Variants in CNTNAP2 observed in about 807,000 individuals in gnomAD.
CNTNAP2 encodes the protein contactin associated protein 2.
A neutral mutation model predicts 155.2 loss-of-function variants in CNTNAP2; 98 were observed. The observed-to-expected ratio is 0.63, with a 90% CI of 0.54 to 0.75. The LOEUF (loss-of-function observed/expected upper bound fraction) is 0.75, where lower values mean the gene tolerates loss of function less well. Ranked by LOEUF, CNTNAP2 falls within the 30% of genes least tolerant of loss-of-function variation. The pLI is 0.00. For missense variants in CNTNAP2, 1,727 were observed against 1,688.1 expected (o/e 1.02, Z -0.40); for synonymous variants, 651 against 631.2 (o/e 1.03, Z -0.47).
Position 146,766,640 on chromosome 7 carries a change from C to T in CNTNAP2, c.98-7631C>T, listed in dbSNP as rs117743613. 1.1e-3 allele frequency among the ~76,000 whole-genome samples: 162 copies of T among 152,286 alleles called. 3 individuals carry two copies. In the East Asian group the frequency reaches 0.025, roughly 24 times the overall value. ...CCTCCTCATCTATAAAATGGTAATACTACCCATCTCAATGGGTTACTGTGA... is the reference window on the plus strand; with the variant it reads ...CCTCCTCATCTATAAAATGGTAATATTACCCATCTCAATGGGTTACTGTGA... On this transcript the variant is annotated intron_variant, in intron 1 of 23. Coordinates refer to ENST00000361727, the MANE Select transcript of CNTNAP2 (RefSeq NM_014141.6).
chr7:148,133,438 G>C (rs1013195138), intron 16 of CNTNAP2, among the ~76,000 whole-genome samples: 8 of 151,992 alleles, frequency 5.3e-5, no homozygotes, highest in Non-Finnish European at 1.0e-4. Flanking sequence ...CTCCAGCCTG[G>C]GTGACAGAAT....
chr7:146,185,732 T>C (rs34438057), intron 1 of CNTNAP2, among the ~76,000 whole-genome samples: 19,438 of 151,504 alleles, frequency 0.13, 1,579 homozygotes, highest in Middle Eastern at 0.19. Flanking sequence ...AATTAAATAT[T>C]ATTTTCAGGG....
intron 9 of CNTNAP2, among the ~76,000 whole-genome samples, chr7:147,317,776 ATGTGTGTGTGTG>A (rs1179574989): frequency 7.4e-6 from 1 of 134,242 alleles, no homozygotes; most frequent in Non-Finnish European, 1.6e-5. Flanking sequence ...ATATATATAT[ATGTGTGTGTGTG>A]TGTGTGTGTG....
At chr7:146,439,452 G>A in intron 1 of CNTNAP2, among the ~76,000 whole-genome samples, 1 of 151,014 alleles carries the variant, frequency 6.6e-6, no homozygotes, top group Admixed American at 6.6e-5. Flanking sequence ...ACATTTTTTT[G>A]TTTGTCTTCT....
intron 8 of CNTNAP2, among the ~76,000 whole-genome samples, chr7:147,188,895 CT>C (rs1489999294): frequency 2.0e-5 from 3 of 152,094 alleles, no homozygotes; most frequent in African/African-American, 7.2e-5. Context: ...ATACACACTT[CT>C]TTTTTAGGGG....
rs745469629 is a variant in CNTNAP2 at position 146,752,134 on chromosome 7, C to T, written c.98-22137C>T. On this transcript the variant is annotated intron_variant, in intron 1 of 23. Coordinates refer to ENST00000361727, the MANE Select transcript of CNTNAP2 (RefSeq NM_014141.6). Reference sequence around the variant, plus strand: ...AGAATGATTTATCATCCTTTGGGTACGTACCCAGTAATGGGATTGCTGGGT... The same window carrying T: ...AGAATGATTTATCATCCTTTGGGTATGTACCCAGTAATGGGATTGCTGGGT... Among the ~76,000 whole-genome samples the T allele has an allele frequency of 6.6e-5, 10 of 152,182 alleles. No homozygotes were observed. In the South Asian group the frequency reaches 8.3e-4, roughly 13 times the overall value.
intron 13 of CNTNAP2, among the ~76,000 whole-genome samples, chr7:147,880,862 TG>T (rs1357221626): frequency 2.1e-5 from 2 of 94,852 alleles, no homozygotes; most frequent in African/African-American, 5.2e-5. Context: ...TGGGTGTGTG[TG>T]TGTGTGTGTG....
Position 146,918,612 on chromosome 7 carries a change from T to C in CNTNAP2, c.402+78708T>C, listed in dbSNP as rs1337214429. ...TGCTTTTGCCTCACAACTTATAAGA[T>C]TATTTCCTTTATCTTGAATTTAGAT... On this transcript the variant is annotated intron_variant, in intron 3 of 23. Coordinates refer to ENST00000361727, the MANE Select transcript of CNTNAP2 (RefSeq NM_014141.6). 2.0e-5 allele frequency among the ~76,000 whole-genome samples: 3 copies of C among 152,214 alleles called. No homozygotes were observed. The East Asian group carries it at 5.8e-4, about 29-fold the overall frequency.
intron 11 of CNTNAP2, among the ~76,000 whole-genome samples, chr7:147,488,996 C>T (rs1489077902): frequency 4.6e-5 from 7 of 152,184 alleles, no homozygotes; most frequent in African/African-American, 1.7e-4. Context: ...TTGTCCTTTT[C>T]CTTTGAACTT....
chr7:148,386,863 T>C (rs956840024), intron 22 of CNTNAP2, among the ~76,000 whole-genome samples: 4 of 152,186 alleles, frequency 2.6e-5, no homozygotes, highest in East Asian at 1.9e-4. Context: ...TAGAAACTTA[T>C]ATGCCCAGCT....
At chr7:146,439,845 T>C (rs1161163729) in intron 1 of CNTNAP2, among the ~76,000 whole-genome samples, 1 of 151,592 alleles carries the variant, frequency 6.6e-6, no homozygotes, top group Non-Finnish European at 1.5e-5. Context: ...CTCTCTCGGA[T>C]AGGCGTGGTG....
At position 147,232,558 on chromosome 7, in the gene CNTNAP2, T is replaced by A. The variant is rs559364835; in HGVS notation, c.1349-67583T>A. Among the ~76,000 whole-genome samples, 6 of 152,282 alleles carry A rather than the reference T, an allele frequency of 3.9e-5. No individual in the cohort carries two copies. The East Asian group carries it at 1.2e-3, about 29-fold the overall frequency. On this transcript the variant is annotated intron_variant, in intron 8 of 23. Coordinates refer to ENST00000361727, the MANE Select transcript of CNTNAP2 (RefSeq NM_014141.6). ...ACACATTATCAACTAATCTTTGACATGGCACCAAAAATACACAATGGGGAA... is the reference window on the plus strand; with the variant it reads ...ACACATTATCAACTAATCTTTGACAAGGCACCAAAAATACACAATGGGGAA...
intron 2 of CNTNAP2, among the ~76,000 whole-genome samples, chr7:146,832,904 T>C (rs974220515): frequency 6.6e-6 from 1 of 151,912 alleles, no homozygotes; most frequent in Admixed American, 6.6e-5. Context: ...TGCACCATGT[T>C]AGGCTGATCT....
rs1158000573 is a variant in CNTNAP2, at chr7:147,589,002, C to T, written c.1897+26745C>T. On this transcript the variant is annotated intron_variant, in intron 12 of 23. Coordinates refer to ENST00000361727, the MANE Select transcript of CNTNAP2 (RefSeq NM_014141.6). ...GGAGAGGGTGATTGGCTTTTGAAAC[C>T]CTAAGTGAATGTTTGGTCACAAAAA... Among the ~76,000 whole-genome samples, 9 of 152,130 alleles carry T rather than the reference C, an allele frequency of 5.9e-5. No homozygotes were observed. The East Asian group carries it at 1.5e-3, about 26-fold the overall frequency.
chr7:147,495,418 G>A (rs1472443597), intron 11 of CNTNAP2, among the ~76,000 whole-genome samples: 1 of 152,214 alleles, frequency 6.6e-6, no homozygotes, highest in Non-Finnish European at 1.5e-5. Context: ...GACAAACCCT[G>A]TAAAGCAAGA....
At chr7:146,327,201 T>C (rs1801112208) in intron 1 of CNTNAP2, among the ~76,000 whole-genome samples, 1 of 152,116 alleles carries the variant, frequency 6.6e-6, no homozygotes, top group Non-Finnish European at 1.5e-5. Flanking sequence ...GACTCCATGG[T>C]TCCATTTCAT....
rs569804866 is a variant in CNTNAP2 at position 146,465,951 on chromosome 7, C to T, written c.98-308320C>T. 1.2e-4 allele frequency among the ~76,000 whole-genome samples: 19 copies of T among 152,076 alleles called. 1 individual carries two copies. The East Asian group carries it at 3.5e-3, about 28-fold the overall frequency. ...TATTTTCTTTGCTCTTTTGTTGAGT[C>T]GCTTATTGACTTAAGTGGTGTTTGC... On this transcript the variant is annotated intron_variant, in intron 1 of 23. Transcript: ENST00000361727.
rs1222902717 is a variant in CNTNAP2 at position 147,033,180 on chromosome 7, A to ATG, written c.403-10726_403-10725insGT. Among the ~76,000 whole-genome samples the ATG allele has an allele frequency of 2.8e-3, 239 of 85,250 alleles. 1 individual carries two copies. The highest frequency in any genetic ancestry group is 9.6e-3 in the African/African-American group (225 of 23,402). 55.9% of individuals were successfully genotyped at this position (85,250 alleles called of 152,430 possible). A position where few individuals can be genotyped will look rare whatever the true frequency, so the allele number is the denominator to read the frequency against. On this transcript the variant is annotated intron_variant, in intron 3 of 23. Transcript: ENST00000361727. Reference sequence around the variant, plus strand: ...TATATGTATATATATATATATATATATATATATATATATATATATATATGG... The same window carrying ATG: ...TATATGTATATATATATATATATATATGTATATATATATATATATATATATGG...
At chr7:148,120,723 A>G (rs1175227194) in intron 16 of CNTNAP2, among the ~76,000 whole-genome samples, 1 of 152,162 alleles carries the variant, frequency 6.6e-6, no homozygotes, top group Admixed American at 6.5e-5. Context: ...CTCTGGGCAA[A>G]AACATGTGAA....
Sources: allele counts gnomAD v4.1 joint callset (sites outside exome capture counted in the v4.1 genomes callset), GRCh38; gene constraint gnomAD v4.1.1; transcripts MANE v1.5; gene names NCBI Gene and HGNC (gene_info 2026-07-23, HGNC 2026-07-21).